Variants in PDGFD observed in about 807,000 individuals in gnomAD.
PDGFD encodes platelet derived growth factor D, also known as platelet-derived growth factor D.
Under a neutral mutation model 44.7 loss-of-function variants are expected in PDGFD, and 30 were observed. The observed-to-expected ratio is 0.67, with a 90% CI of 0.50 to 0.91. The LOEUF (loss-of-function observed/expected upper bound fraction) is 0.91, where lower values mean the gene tolerates loss of function less well. Among genes scored for constraint, PDGFD ranks in the 40% least tolerant of loss-of-function variants. The pLI, the probability that PDGFD is intolerant of heterozygous loss-of-function variation, is 0.00. For missense variants in PDGFD, 445 were observed against 457.8 expected, an observed-to-expected ratio of 0.97 and a Z score of 0.25; for synonymous variants, 173 against 168.4, an observed-to-expected ratio of 1.03 and a Z score of -0.21.
At chr11:103,965,897 G>A (rs1212185809) in intron 3 of PDGFD, among the ~76,000 whole-genome samples, 3 of 152,196 alleles carry the variant, frequency 2.0e-5, no homozygotes, top group Admixed American at 6.5e-5. Flanking sequence ...GCAGATGAGC[G>A]AGGAAGCAGT....
At chr11:104,005,329 G>C (rs142879330) in intron 1 of PDGFD, among the ~76,000 whole-genome samples, 1 of 152,264 alleles carries the variant, frequency 6.6e-6, no homozygotes, top group African/African-American at 2.4e-5. Flanking sequence ...ACTATAGAAA[G>C]TGTTCTTCCT....
chr11:104,153,358 A>T (rs1439936635), intron 1 of PDGFD, among the ~76,000 whole-genome samples: 1 of 152,206 alleles, frequency 6.6e-6, no homozygotes, highest in Non-Finnish European at 1.5e-5. Flanking sequence ...AATGAAATGG[A>T]CAGTGAGGAT....
intron 1 of PDGFD, among the ~76,000 whole-genome samples, chr11:104,031,252 G>A (rs1206164161): frequency 6.6e-6 from 1 of 152,056 alleles, no homozygotes; most frequent in Admixed American, 6.5e-5. Flanking sequence ...TCTGACAAAG[G>A]TCTAATATCC....
chr11:103,963,960 C>G (rs779834404), intron 3 of PDGFD, among the ~76,000 whole-genome samples: 26 of 152,084 alleles, frequency 1.7e-4, no homozygotes, highest in Non-Finnish European at 3.7e-4. Context: ...GGCTATAAGA[C>G]ACTTTACAAA....
chr11:104,161,089 G>A (rs965703981), intron 1 of PDGFD, among the ~76,000 whole-genome samples: 11 of 152,068 alleles, frequency 7.2e-5, no homozygotes, highest in African/African-American at 2.7e-4. Flanking sequence ...AGTCCAGCAG[G>A]AACAAATGAA....
chr11:103,969,611 C>G (rs1859074386), intron 3 of PDGFD, among the ~76,000 whole-genome samples: 1 of 148,414 alleles, frequency 6.7e-6, no homozygotes, highest in Non-Finnish European at 1.5e-5. Context: ...ATATTTTTGT[C>G]CTGTGATATG....
At chr11:104,118,092 A>T (rs1861667532) in intron 1 of PDGFD, among the ~76,000 whole-genome samples, 2 of 152,068 alleles carry the variant, frequency 1.3e-5, no homozygotes, top group African/African-American at 4.8e-5. Context: ...GATTTTCTAC[A>T]TAGATAATCA....
chr11:104,134,455 A>G (rs1861971046), intron 1 of PDGFD, among the ~76,000 whole-genome samples: 1 of 152,210 alleles, frequency 6.6e-6, no homozygotes, highest in Non-Finnish European at 1.5e-5. Flanking sequence ...ACCTCAAAAA[A>G]AAAGCTTAAT....
At position 103,920,462 on chromosome 11, in the gene PDGFD, A is replaced by C. The variant is rs371137777; in HGVS notation, c.987+6450T>G. Among the ~76,000 whole-genome samples, 7 of 152,328 alleles carry C rather than the reference A, an allele frequency of 4.6e-5. No individual in the cohort carries two copies. In the South Asian group the frequency reaches 1.2e-3, roughly 27 times the overall value. ...GAGCATGGCATTAGCATTGGGTATC[A>C]CTCATGACACAGATGGGCCTTGTCT... On this transcript the variant is annotated intron_variant, in intron 6 of 6. Coordinates refer to ENST00000393158, the MANE Select transcript of PDGFD (RefSeq NM_025208.5).
At chr11:104,093,941 A>G (rs550129677) in intron 1 of PDGFD, among the ~76,000 whole-genome samples, 1 of 150,558 alleles carries the variant, frequency 6.6e-6, no homozygotes, top group African/African-American at 2.4e-5. Flanking sequence ...CAATATCTCA[A>G]TTCCTTTTCA....
At chr11:104,011,702 A>G (rs1859789655) in intron 1 of PDGFD, among the ~76,000 whole-genome samples, 1 of 152,088 alleles carries the variant, frequency 6.6e-6, no homozygotes, top group African/African-American at 2.4e-5. Context: ...ATGTATTTGG[A>G]TAGCTGTCAC....
chr11:103,948,970 C>A (rs1014583174), intron 3 of PDGFD, among the ~76,000 whole-genome samples: 1 of 117,138 alleles, frequency 8.5e-6, no homozygotes, highest in Admixed American at 7.9e-5. Flanking sequence ...AGAAAGAAAC[C>A]GACTAGACAT....
chr11:103,975,346 T>A (rs1859168173), intron 3 of PDGFD, among the ~76,000 whole-genome samples: 1 of 152,234 alleles, frequency 6.6e-6, no homozygotes. Flanking sequence ...TGTTTGTTTT[T>A]TTCCTTGTAA....
At chr11:104,006,763 A>G (rs1859708875) in intron 1 of PDGFD, among the ~76,000 whole-genome samples, 1 of 152,188 alleles carries the variant, frequency 6.6e-6, no homozygotes, top group South Asian at 2.1e-4. Flanking sequence ...GCTGCTGGAC[A>G]GCCAAACTCC....
At chr11:103,911,223 T>G (rs1483611366) in intron 6 of PDGFD, among the ~76,000 whole-genome samples, 1 of 152,116 alleles carries the variant, frequency 6.6e-6, no homozygotes, top group Non-Finnish European at 1.5e-5. Flanking sequence ...AGCACAGCAT[T>G]TGAGCTCTGA....
chr11:103,973,714 G>A (rs1468721086), intron 3 of PDGFD, among the ~76,000 whole-genome samples: 1 of 152,116 alleles, frequency 6.6e-6, no homozygotes, highest in East Asian at 1.9e-4. Flanking sequence ...AACCATCATG[G>A]AGACTCCTCT....
intron 5 of PDGFD, among the ~76,000 whole-genome samples, chr11:103,933,968 C>G (rs1408508027): frequency 6.6e-6 from 1 of 152,070 alleles, no homozygotes; most frequent in Non-Finnish European, 1.5e-5. Flanking sequence ...TAAAGCATAT[C>G]TATGAAATGA....
At chr11:104,016,050 G>T (rs552579771) in intron 1 of PDGFD, among the ~76,000 whole-genome samples, 1 of 152,276 alleles carries the variant, frequency 6.6e-6, no homozygotes, top group African/African-American at 2.4e-5. Flanking sequence ...ATAGGCAGAG[G>T]TCTTTTTATT....
At chr11:104,013,836 A>C (rs1859821702) in intron 1 of PDGFD, among the ~76,000 whole-genome samples, 1 of 151,832 alleles carries the variant, frequency 6.6e-6, no homozygotes, top group South Asian at 2.1e-4. Context: ...CAGGATAGAA[A>C]TGTATCTCCA....
Sources: gnomAD v4.1 joint callset for allele counts (sites outside exome capture counted in the v4.1 genomes callset) on GRCh38, gnomAD v4.1.1 for gene constraint, MANE v1.5 for transcripts, NCBI Gene and HGNC (gene_info 2026-07-23, HGNC 2026-07-21) for gene names.